The following LIPC variants were observed in gnomAD, a reference collection of about 807,000 sequenced individuals.
LIPC encodes hepatic triacylglycerol lipase.
In LIPC, 44 loss-of-function variants were observed where a neutral mutation model predicts 50.7. The ratio of observed to expected loss-of-function variants is 0.87; its 90% CI spans 0.68 to 1.11. LIPC has a LOEUF of 1.11. Among genes scored for constraint, LIPC ranks in the 50% most tolerant of loss-of-function variants. LIPC has a pLI of 0.00. For synonymous variants in LIPC, 271 were observed against 256.4 expected, an observed-to-expected ratio of 1.06 and a Z score of -0.54; for missense variants, 697 against 648.2, an observed-to-expected ratio of 1.08 and a Z score of -0.82.
At chr15:58,561,817 A>C (rs1279039141) in intron 7 of LIPC, among the ~76,000 whole-genome samples, 1 of 152,170 alleles carries the variant, frequency 6.6e-6, no homozygotes, top group Non-Finnish European at 1.5e-5. Context: ...TTTAATGTTA[A>C]TGCTGGTCAG....
intron 1 of LIPC, among the ~76,000 whole-genome samples, chr15:58,520,303 C>T (rs780714230): frequency 6.6e-6 from 1 of 152,120 alleles, no homozygotes; most frequent in Non-Finnish European, 1.5e-5. Flanking sequence ...CTTTTAACTT[C>T]TGTGTCCTCT....
intron 1 of LIPC, among the ~76,000 whole-genome samples, chr15:58,462,872 C>T (rs749358831): frequency 6.6e-5 from 10 of 152,200 alleles, no homozygotes; most frequent in Admixed American, 1.3e-4. Flanking sequence ...TCTGCTGGTC[C>T]GCTGGGCCCT....
intron 1 of LIPC, among the ~76,000 whole-genome samples, chr15:58,471,334 G>GGGC (rs569416304): frequency 2.2e-5 from 3 of 138,414 alleles, no homozygotes; most frequent in South Asian, 4.9e-4. Flanking sequence ...GAGATGGGGG[G>GGGC]GGGTGGTCTC....
chr15:58,440,885 T>C lies in LIPC; in HGVS notation c.88+8765T>C, dbSNP rs181588650. 3.3e-5 allele frequency among the ~76,000 whole-genome samples: 5 copies of C among 152,242 alleles called. No individual in the cohort carries two copies. The East Asian group carries it at 9.7e-4, about 29-fold the overall frequency. On this transcript the variant is annotated intron_variant, in intron 1 of 8. Coordinates refer to ENST00000299022, the MANE Select transcript of LIPC (RefSeq NM_000236.3). ...AAAGGGAGAGTGAAGTTGGGAATTC[T>C]TGAGATTTTGGGGTGGCCCTGGATG...
chr15:58,558,944 A>G (rs1466590357), intron 6 of LIPC, among the ~76,000 whole-genome samples: 1 of 152,246 alleles, frequency 6.6e-6, no homozygotes, highest in Non-Finnish European at 1.5e-5. Flanking sequence ...ATCCCCACTC[A>G]CATGAGCAAA....
At chr15:58,509,966 A>C in intron 1 of LIPC, among the ~76,000 whole-genome samples, 1 of 152,228 alleles carries the variant, frequency 6.6e-6, no homozygotes, top group East Asian at 1.9e-4. Context: ...CATTAAAAAA[A>C]AAAAGAGTTT....
intron 1 of LIPC, among the ~76,000 whole-genome samples, chr15:58,480,627 A>G (rs1033262217): frequency 1.3e-5 from 2 of 152,174 alleles, no homozygotes; most frequent in East Asian, 1.9e-4. Context: ...AGCTTGTCCA[A>G]CCTTCAGCCC....
At chr15:58,529,179 C>T (rs1030957633) in intron 1 of LIPC, among the ~76,000 whole-genome samples, 2 of 152,180 alleles carry the variant, frequency 1.3e-5, no homozygotes, top group Non-Finnish European at 2.9e-5. Context: ...GGAACAAGAA[C>T]ACAATGGGAT....
intron 7 of LIPC, among the ~76,000 whole-genome samples, 170 bp downstream of exon 7, chr15:58,561,151 G>T (rs568646677): frequency 3.9e-4 from 59 of 152,284 alleles, no homozygotes; most frequent in African/African-American, 1.3e-3. Context: ...TTTTGCCAAG[G>T]TTAAAGACAT....
intron 6 of LIPC, among the ~76,000 whole-genome samples, chr15:58,552,229 C>T (rs1332949454): frequency 6.6e-6 from 1 of 152,202 alleles, no homozygotes; most frequent in Non-Finnish European, 1.5e-5. Flanking sequence ...GTGTTGTACA[C>T]GTTAGCTCAT....
intron 1 of LIPC, chr15:58,434,991 CCT>C (rs1189654731): frequency 6.6e-6 from 1 of 152,150 alleles, no homozygotes; most frequent in African/African-American, 2.4e-5. Flanking sequence ...TCACACGTTT[CCT>C]CTCTTAAAAA....
At chr15:58,484,694 AC>A (rs1891307153) in intron 1 of LIPC, among the ~76,000 whole-genome samples, 1 of 130,694 alleles carries the variant, frequency 7.7e-6, no homozygotes, top group African/African-American at 2.9e-5. Context: ...ACACACTCTG[AC>A]TCCAGGGCCC....
chr15:58,550,825 CTTTTTTTTTTTTTTT>C (rs55943459), intron 6 of LIPC, among the ~76,000 whole-genome samples: 53 of 45,114 alleles, frequency 1.2e-3, no homozygotes, highest in South Asian at 2.7e-3. Context: ...TTCTTTCTTA[CTTTTTTTTTTTTTTT>C]TTTTTTTTTT....
intron 1 of LIPC, among the ~76,000 whole-genome samples, chr15:58,531,566 G>A (rs2140892125): frequency 7.4e-6 from 1 of 136,012 alleles, no homozygotes; most frequent in South Asian, 2.5e-4. Flanking sequence ...TTTTTCCCTG[G>A]GATCCACAAA....
At chr15:58,540,265 G>T (rs1251482892) in intron 2 of LIPC, among the ~76,000 whole-genome samples, 1 of 152,202 alleles carries the variant, frequency 6.6e-6, no homozygotes. Context: ...CCTAGTATAT[G>T]TCTCCTCCTC....
Position 58,554,397 on chromosome 15 carries a change from G to A in LIPC, c.1051+5825G>A, listed in dbSNP as rs115916514. 8.8e-3 allele frequency among the ~76,000 whole-genome samples: 1,344 copies of A among 152,266 alleles called. 26 individuals are homozygous for A. The highest frequency in any genetic ancestry group is 0.028 in the African/African-American group (1,182 of 41,548). On this transcript the variant is annotated intron_variant, in intron 6 of 8. Coordinates refer to ENST00000299022, the MANE Select transcript of LIPC (RefSeq NM_000236.3). Reference sequence around the variant, plus strand: ...TCTCTTTGCAGTCACAGGATTAAAAGCGTTTTCCCCAAATCATTTTTTAAC... The same window carrying A: ...TCTCTTTGCAGTCACAGGATTAAAAACGTTTTCCCCAAATCATTTTTTAAC...
At chr15:58,480,797 A>G (rs556647465) in intron 1 of LIPC, among the ~76,000 whole-genome samples, 4 of 152,264 alleles carry the variant, frequency 2.6e-5, no homozygotes, top group African/African-American at 7.2e-5. Context: ...TCTTCTTCCA[A>G]TGTGGCCCAG....
chr15:58,564,607 G>T (rs1894294662), intron 8 of LIPC, among the ~76,000 whole-genome samples: 1 of 152,038 alleles, frequency 6.6e-6, no homozygotes, highest in South Asian at 2.1e-4. Flanking sequence ...CACAATGGTA[G>T]TCCCAGCTAC....
chr15:58,537,715 T>G (rs938734899), intron 1 of LIPC, among the ~76,000 whole-genome samples: 4 of 152,078 alleles, frequency 2.6e-5, no homozygotes, highest in Admixed American at 2.6e-4. Flanking sequence ...TCACATTCCC[T>G]GAAAAGCCCT....
Sources: gnomAD v4.1 joint callset for allele counts (sites outside exome capture counted in the v4.1 genomes callset) on GRCh38, gnomAD v4.1.1 for gene constraint, MANE v1.5 for transcripts, NCBI Gene and HGNC (gene_info 2026-07-23, HGNC 2026-07-21) for gene names.